NELL2: variants seen among roughly 807,000 people sequenced by gnomAD.
NELL2 encodes the protein neural EGFL like 2, also known as protein kinase C-binding protein NELL2.
A neutral mutation model predicts 109.6 loss-of-function variants in NELL2; 41 were observed. The observed-to-expected ratio is 0.37, with a 90% CI of 0.29 to 0.49. The LOEUF is 0.49. NELL2 is among the 20% of genes least tolerant of loss of function. The pLI is 0.98. For synonymous variants in NELL2, 355 were observed against 344.7 expected (o/e 1.03, Z -0.33); for missense variants, 900 against 1,008.3 (o/e 0.89, Z 1.45).
intron 9 of NELL2, among the ~76,000 whole-genome samples, chr12:44,766,630 G>A (rs1463389887): frequency 1.3e-5 from 2 of 151,976 alleles, no homozygotes; most frequent in East Asian, 3.9e-4. Context: ...CTCTTAAATT[G>A]GGTCTCCTAT....
intron 13 of NELL2, among the ~76,000 whole-genome samples, chr12:44,657,818 T>C (rs1947570077): frequency 6.6e-6 from 1 of 152,232 alleles, no homozygotes; most frequent in African/African-American, 2.4e-5. Flanking sequence ...CTCATCCTTC[T>C]TTATGGCTGC....
At chr12:44,620,946 T>C (rs982884661) in intron 13 of NELL2, among the ~76,000 whole-genome samples, 2 of 152,122 alleles carry the variant, frequency 1.3e-5, no homozygotes, top group Non-Finnish European at 2.9e-5. Context: ...CTCCCCATTC[T>C]CTCTTCCTCT....
At chr12:44,836,244 ATT>A (rs1566500563) in intron 2 of NELL2, among the ~76,000 whole-genome samples, 1 of 152,246 alleles carries the variant, frequency 6.6e-6, no homozygotes, top group African/African-American at 2.4e-5. Context: ...GGAACCAGTC[ATT>A]AGCACAGTGA....
At chr12:44,515,171 A>G (rs746708119) in intron 19 of NELL2, among the ~76,000 whole-genome samples, 1 of 151,862 alleles carries the variant, frequency 6.6e-6, no homozygotes. Context: ...GTAAATAAAC[A>G]AAACACTTTA....
At chr12:44,576,470 C>T (rs1202080803) in intron 15 of NELL2, among the ~76,000 whole-genome samples, 1 of 152,022 alleles carries the variant, frequency 6.6e-6, no homozygotes, top group Non-Finnish European at 1.5e-5. Flanking sequence ...TCCCCATCAA[C>T]ATCATCATTA....
In NELL2 at chr12:44,777,243, G is replaced by A. The variant is rs138987167; in HGVS notation, c.678C>T (p.Arg226=). The stretch of plus-strand genomic sequence containing the variant: ...CAGTGCAAGAACTAATAGACTTACT[G>A]CGATTAAGATCTGGGCACTGAGCAA... ...GFIAQCPDLN[R]TCPTCNDFHG... The change falls in exon 6 of 20, where the codon CGC becomes CGT. Residue 226 remains arginine, a splice_region_variant and synonymous_variant. Transcript: ENST00000429094. 1.9e-4 allele frequency: 308 copies of A among 1,613,328 alleles called. No individual in the cohort carries two copies. The highest frequency in any genetic ancestry group is 2.4e-4 in the Non-Finnish European group (281 of 1,179,260).
rs149660195 is a variant in NELL2 at position 44,583,448 on chromosome 12, A to G, written c.1663+23721T>C. On this transcript the variant is annotated intron_variant, in intron 15 of 19. Transcript: ENST00000429094. ...TATGAGAGCAGAGACCTTTTCAACT[A>G]GGTCACTACTATTTCTTGGGGTTTA... Among the ~76,000 whole-genome samples, 1,307 of 152,308 alleles carry G rather than the reference A, an allele frequency of 8.6e-3. 14 individuals carry two copies. The highest frequency in any genetic ancestry group is 0.03 in the African/African-American group (1,229 of 41,574).
chr12:44,700,918 T>G (rs1435628558), intron 12 of NELL2, among the ~76,000 whole-genome samples: 1 of 152,158 alleles, frequency 6.6e-6, no homozygotes, highest in African/African-American at 2.4e-5. Flanking sequence ...ATGATAACCA[T>G]GATCAGGAAA....
intron 12 of NELL2, among the ~76,000 whole-genome samples, chr12:44,672,577 T>C (rs553835986): frequency 1.3e-3 from 200 of 152,246 alleles, no homozygotes; most frequent in Non-Finnish European, 2.4e-3. Context: ...TCAAACTTTG[T>C]TAATTGAACT....
At chr12:44,696,352 C>A (rs1158576482) in intron 12 of NELL2, among the ~76,000 whole-genome samples, 1 of 152,242 alleles carries the variant, frequency 6.6e-6, no homozygotes. Flanking sequence ...GTATTTATTA[C>A]GCACCTTATA....
chr12:44,749,920 C>A (rs1374342946), intron 9 of NELL2, among the ~76,000 whole-genome samples: 1 of 151,034 alleles, frequency 6.6e-6, no homozygotes, highest in South Asian at 2.1e-4. Context: ...TCTCAAACAA[C>A]AAGGTAATTA....
At chr12:44,792,392 T>C (rs145617405) in intron 3 of NELL2, among the ~76,000 whole-genome samples, 1 of 152,106 alleles carries the variant, frequency 6.6e-6, no homozygotes, top group East Asian at 1.9e-4. Flanking sequence ...CGTGCTTGTA[T>C]GCTGCTGCGG....
chr12:44,632,430 T>C (rs914858845), intron 13 of NELL2, among the ~76,000 whole-genome samples: 3 of 152,092 alleles, frequency 2.0e-5, no homozygotes, highest in African/African-American at 7.2e-5. Flanking sequence ...GGCACCAGTA[T>C]TTATTAGTAG....
intron 1 of NELL2, 159 bp downstream of exon 1, chr12:44,875,656 G>GAAA (rs11373833): frequency 1.4e-5 from 18 of 1,327,244 alleles, no homozygotes; most frequent in Admixed American, 6.8e-5. Context: ...GGCAAGCACA[G>GAAA]AAAAAAAAAA....
chr12:44,774,943 T>A (rs1047894409), intron 8 of NELL2, 94 bp from the exon 9 acceptor site: 2 of 935,924 alleles, frequency 2.1e-6, no homozygotes. Flanking sequence ...AAACTCTTCA[T>A]GTGAAGAGAA....
chr12:44,568,871 ACTTT>A (rs1302016283), intron 15 of NELL2, among the ~76,000 whole-genome samples: 2 of 152,184 alleles, frequency 1.3e-5, no homozygotes, highest in East Asian at 3.9e-4. Context: ...ATGATGAACT[ACTTT>A]CTTTTTTTTA....
At chr12:44,630,816 T>G (rs1299016621) in intron 13 of NELL2, among the ~76,000 whole-genome samples, 1 of 152,142 alleles carries the variant, frequency 6.6e-6, no homozygotes, top group East Asian at 1.9e-4. Context: ...AAAACATTAT[T>G]TTGAGTGCTG....
chr12:44,637,401 A>G (rs1305089005), intron 13 of NELL2, among the ~76,000 whole-genome samples: 2 of 149,518 alleles, frequency 1.3e-5, no homozygotes, highest in African/African-American at 4.9e-5. Flanking sequence ...GTGAAAACAT[A>G]CTCACCTTTT....
chr12:44,876,943 C>G, upstream of NELL2: 1 of 1,192,258 alleles, frequency 8.4e-7, no homozygotes, highest in Non-Finnish European at 1.1e-6. Context: ...GCTTCCCCGG[C>G]GCGGAGAGCT....
Sources: gnomAD v4.1 joint callset for allele counts (sites outside exome capture counted in the v4.1 genomes callset) on GRCh38, gnomAD v4.1.1 for gene constraint, MANE v1.5 for transcripts, NCBI Gene and HGNC (gene_info 2026-07-23, HGNC 2026-07-21) for gene names.